Variants in SLC16A12 observed in about 807,000 individuals in gnomAD.
The protein encoded by SLC16A12 is solute carrier family 16 member 12, also known as monocarboxylate transporter 12.
Under a neutral mutation model 42.4 loss-of-function variants are expected in SLC16A12, and 17 were observed. The ratio of observed to expected loss-of-function variants is 0.40; its 90% CI spans 0.27 to 0.60. The LOEUF is 0.60. SLC16A12 is among the 20% of genes least tolerant of loss of function. SLC16A12 has a pLI of 0.42. For synonymous variants in SLC16A12, 224 were observed against 229.4 expected (o/e 0.98, Z 0.21); for missense variants, 544 against 623.0 (o/e 0.87, Z 1.35).
chr10:89,549,216 C>A (rs916472015), intron 2 of SLC16A12, among the ~76,000 whole-genome samples: 1 of 152,158 alleles, frequency 6.6e-6, no homozygotes, highest in Non-Finnish European at 1.5e-5. Flanking sequence ...TCAGAAAGTG[C>A]AAATTGAAGG....
intron 2 of SLC16A12, among the ~76,000 whole-genome samples, chr10:89,554,050 A>G (rs950442440): frequency 7.7e-5 from 5 of 65,306 alleles, no homozygotes; most frequent in Middle Eastern, 5.1e-3. Context: ...GAAAGAAAGA[A>G]AGAAAGAAAG....
rs1841848092 is a variant in SLC16A12, at chr10:89,438,759, C to T, written c.873G>A (p.Leu291=). The T allele has an allele frequency of 1.9e-6, 3 of 1,614,170 alleles. No homozygotes were observed. The African/African-American group carries it at 4.0e-5, about 22-fold the overall frequency. ...GAGGGCTGCAGCCATAAGCCATAAA[C>T]AGAACGGAGACGGCTAACACAACAA... ...SDFVVLAVSV[L]FMAYGCSPLF... is the part of the protein sequence containing the mutation. Residue 291 remains leucine, a synonymous_variant, in exon 6 of 8, where the codon CTG becomes CTA. Transcript: ENST00000371790.
At chr10:89,513,302 G>A (rs1423551409) in intron 2 of SLC16A12, among the ~76,000 whole-genome samples, 1 of 152,094 alleles carries the variant, frequency 6.6e-6, no homozygotes, top group Admixed American at 6.6e-5. Flanking sequence ...GTATTTGATT[G>A]TTTGAATGCA....
intron 2 of SLC16A12, among the ~76,000 whole-genome samples, chr10:89,547,263 A>G (rs546792915): frequency 6.6e-5 from 10 of 152,236 alleles, no homozygotes; most frequent in Non-Finnish European, 5.9e-5. Flanking sequence ...AGTCTTTTGT[A>G]TAGTTTTTAT....
At chr10:89,510,664 G>A (rs753465842) in intron 2 of SLC16A12, among the ~76,000 whole-genome samples, 16 of 152,108 alleles carry the variant, frequency 1.1e-4, no homozygotes, top group Non-Finnish European at 1.8e-4. Context: ...TTCAGACATA[G>A]GCCTGGGCAA....
Position 89,434,454 on chromosome 10 carries a change from G to C in SLC16A12, c.1289-1128C>G, listed in dbSNP as rs570633327. Reference sequence around the variant, plus strand: ...AATAAGCTATGAAAGGAGGATGTGGGAATATTTTGGGGGCAGTTTTCAAAA... The same window carrying C: ...AATAAGCTATGAAAGGAGGATGTGGCAATATTTTGGGGGCAGTTTTCAAAA... On this transcript the variant is annotated intron_variant, in intron 7 of 7. Coordinates refer to ENST00000371790, the MANE Select transcript of SLC16A12 (RefSeq NM_213606.4). Among the ~76,000 whole-genome samples the C allele has an allele frequency of 2.8e-4, 43 of 152,222 alleles. 1 individual carries two copies. In the East Asian group the frequency reaches 7.1e-3, roughly 25 times the overall value.
At chr10:89,480,379 G>C (rs1281849540) in intron 2 of SLC16A12, among the ~76,000 whole-genome samples, 1 of 152,146 alleles carries the variant, frequency 6.6e-6, no homozygotes, top group Non-Finnish European at 1.5e-5. Flanking sequence ...TCCTTTTAAA[G>C]GGGGCTTTAA....
At position 89,462,466 on chromosome 10, in the gene SLC16A12, C is replaced by T. The variant is rs1250369796; in HGVS notation, c.113G>A (p.Arg38Gln). The change falls in exon 3 of 8, where the codon CGG (arginine) becomes CAG (glutamine). Residue 38 changes from arginine (R) to glutamine (Q), a missense_variant. Transcript: ENST00000371790. ...GCCTCCATCTGGAGGGGAGGTAGAC[C>T]GAGCTCTATTTACTTTTGCCATGGT... ...RKTMAKVNRA[R>Q]STSPPDGGWG... 22 of 1,614,000 alleles carry T rather than the reference C, an allele frequency of 1.4e-5. No individual in the cohort carries two copies. The highest frequency in any genetic ancestry group is 5.5e-5 in the South Asian group (5 of 91,070).
chr10:89,470,718 A>T (rs1171522379), intron 2 of SLC16A12, among the ~76,000 whole-genome samples: 3 of 152,254 alleles, frequency 2.0e-5, no homozygotes, highest in Admixed American at 6.5e-5. Flanking sequence ...ACAAACCATA[A>T]GTTCCCAGCA....
At chr10:89,519,230 G>A (rs1418319230) in intron 2 of SLC16A12, among the ~76,000 whole-genome samples, 2 of 152,096 alleles carry the variant, frequency 1.3e-5, no homozygotes, top group African/African-American at 4.8e-5. Context: ...AAGAGGCATG[G>A]TGGGAGAAAG....
At chr10:89,437,304 A>G (rs570961900) in intron 6 of SLC16A12, among the ~76,000 whole-genome samples, 61 of 152,378 alleles carry the variant, frequency 4.0e-4, no homozygotes, top group Admixed American at 2.1e-3. Context: ...TTATGATACC[A>G]ATAATTTCAA....
intron 2 of SLC16A12, among the ~76,000 whole-genome samples, chr10:89,489,590 C>A (rs55801659): frequency 0.032 from 4,898 of 152,214 alleles, 181 homozygotes; most frequent in African/African-American, 0.077. Flanking sequence ...AATCCACCTA[C>A]CTTTGCCTCC....
At chr10:89,454,091 T>C (rs1842139931) in intron 3 of SLC16A12, among the ~76,000 whole-genome samples, 1 of 151,948 alleles carries the variant, frequency 6.6e-6, no homozygotes, top group Non-Finnish European at 1.5e-5. Context: ...AGTGGTGTGA[T>C]CACTGCAGCC....
rs564622002 is a variant in SLC16A12 at position 89,482,577 on chromosome 10, T to A, written c.-46-19953A>T. On this transcript the variant is annotated intron_variant, in intron 2 of 7. Coordinates refer to ENST00000371790, the MANE Select transcript of SLC16A12 (RefSeq NM_213606.4). Reference sequence around the variant, plus strand: ...GGGCAAATTGCTTGAACCAAGGAGTTTGAGAACAGCCTGGGCAACATAGCA... The same window carrying A: ...GGGCAAATTGCTTGAACCAAGGAGTATGAGAACAGCCTGGGCAACATAGCA... Among the ~76,000 whole-genome samples the A allele has an allele frequency of 1.8e-3, 275 of 151,918 alleles. 1 individual carries two copies. Among genetic ancestry groups the A allele is most frequent in the African/African-American group, 6.3e-3 (263 of 41,418 alleles).
In SLC16A12 at chr10:89,432,918, T is replaced by C. The variant is rs942283185; in HGVS notation, c.*146A>G. 1.0e-5 allele frequency: 12 copies of C among 1,156,850 alleles called. No individual in the cohort carries two copies. The African/African-American group carries it at 1.9e-4, about 18-fold the overall frequency. The allele number at this position is 1,156,850 out of a possible 1,614,324, so 71.7% of individuals were successfully genotyped here. On this transcript the variant is annotated 3_prime_UTR_variant, in exon 8 of 8. Transcript: ENST00000371790. Reference sequence around the variant, plus strand: ...TTCCTTATTATGTGCTGTTTTCCCTTATAAATATTAATATGTTAACAAAAC... The same window carrying C: ...TTCCTTATTATGTGCTGTTTTCCCTCATAAATATTAATATGTTAACAAAAC...
intron 3 of SLC16A12, among the ~76,000 whole-genome samples, chr10:89,458,371 C>A (rs1482215403): frequency 6.6e-6 from 1 of 152,128 alleles, no homozygotes; most frequent in African/African-American, 2.4e-5. Context: ...GAGAATTTGA[C>A]CTTTGGGTCT....
chr10:89,461,356 C>A (rs867192769), intron 3 of SLC16A12, among the ~76,000 whole-genome samples: 2 of 152,142 alleles, frequency 1.3e-5, no homozygotes, highest in Non-Finnish European at 2.9e-5. Flanking sequence ...AATTTAAATT[C>A]TAGGTTTTAA....
At chr10:89,541,711 C>T (rs1056284866) in intron 2 of SLC16A12, among the ~76,000 whole-genome samples, 1 of 152,196 alleles carries the variant, frequency 6.6e-6, no homozygotes, top group Non-Finnish European at 1.5e-5. Flanking sequence ...TGTTGTGGGG[C>T]TCCCCTGTGC....
chr10:89,508,763 C>A (rs303194), intron 2 of SLC16A12, among the ~76,000 whole-genome samples: 48,031 of 151,784 alleles, frequency 0.32, 8,392 homozygotes, highest in Non-Finnish European at 0.41. Context: ...CACAAAAAAC[C>A]CTTCAAAAAA....
Sources: allele counts gnomAD v4.1 joint callset (sites outside exome capture counted in the v4.1 genomes callset), GRCh38; gene constraint gnomAD v4.1.1; transcripts MANE v1.5; gene names NCBI Gene and HGNC (gene_info 2026-07-23, HGNC 2026-07-21).